Variants in MLLT1 observed in about 807,000 individuals in gnomAD.
The protein encoded by MLLT1 is MLLT1 super elongation complex subunit, also known as protein ENL.
MLLT1 carries 11 observed loss-of-function variants against 55.1 expected under a neutral mutation model. That is an observed-to-expected ratio of 0.20 (90% CI 0.13 to 0.33). The LOEUF is 0.33. Among genes scored for constraint, MLLT1 ranks in the 10% least tolerant of loss-of-function variants. MLLT1 has a pLI of 1.00. For missense variants in MLLT1, 536 were observed against 760.6 expected (o/e 0.70, Z 3.47); for synonymous variants, 323 against 320.1 (o/e 1.01, Z -0.10).
At chr19:6,266,648 G>A (rs1049107193) in intron 2 of MLLT1, among the ~76,000 whole-genome samples, 1 of 152,058 alleles carries the variant, frequency 6.6e-6, no homozygotes, top group African/African-American at 2.4e-5. Flanking sequence ...GTAGAGATGG[G>A]GTTTCACCAT....
In MLLT1 at chr19:6,210,920, T is replaced by C; in HGVS notation, c.*2122A>G. On this transcript the variant is annotated 3_prime_UTR_variant, in exon 12 of 12. Transcript: ENST00000252674. This position sits in a 1 kb window ranked among gnomAD's most constrained non-coding sequence, Gnocchi z 4.6. ...CGTGAGGCCTTCCGGCCAGAGGAGGTAACTGAGAACTGGGTTGGTGCTTCC... is the reference window on the plus strand; with the variant it reads ...CGTGAGGCCTTCCGGCCAGAGGAGGCAACTGAGAACTGGGTTGGTGCTTCC... 4.4e-6 allele frequency: 1 copy of C among 228,920 alleles called. No homozygotes were observed. Among genetic ancestry groups the C allele is most frequent in the Non-Finnish European group, 8.6e-6 (1 of 115,972 alleles). 14.2% of individuals were successfully genotyped at this position (228,920 alleles called of 1,614,324 possible). A position where few individuals can be genotyped will look rare whatever the true frequency, so the allele number is the denominator to read the frequency against.
At chr19:6,271,938 C>T (rs1382504328) in intron 1 of MLLT1, among the ~76,000 whole-genome samples, 1 of 152,274 alleles carries the variant, frequency 6.6e-6, no homozygotes, top group Non-Finnish European at 1.5e-5. Context: ...CCTGTCTCTT[C>T]TTTGGCATTT....
At chr19:6,216,550 G>A (rs2144848015) in intron 7 of MLLT1, 37 bp from the exon 8 acceptor site, 3 of 1,456,136 alleles carry the variant, frequency 2.1e-6, no homozygotes, top group East Asian at 2.4e-5. Flanking sequence ...GGAGACAAGG[G>A]CAGGGCTCCA....
At chr19:6,223,383 C>G (rs1297960546) in intron 5 of MLLT1, among the ~76,000 whole-genome samples, 5 of 152,194 alleles carry the variant, frequency 3.3e-5, no homozygotes, top group Non-Finnish European at 5.9e-5. Flanking sequence ...ATTCCTAGGT[C>G]TCTGCCTCGG....
At chr19:6,249,608 C>G (rs1017814478) in intron 3 of MLLT1, among the ~76,000 whole-genome samples, 1 of 152,194 alleles carries the variant, frequency 6.6e-6, no homozygotes, top group Non-Finnish European at 1.5e-5. Context: ...GGGAGGGAGG[C>G]CACCCGGATC....
At chr19:6,221,766 C>T (rs1026221091) in intron 6 of MLLT1, among the ~76,000 whole-genome samples, 1 of 152,240 alleles carries the variant, frequency 6.6e-6, no homozygotes, top group Non-Finnish European at 1.5e-5. Context: ...AACCATGAGA[C>T]ACGCTTGCCC....
At position 6,256,969 on chromosome 19, in the gene MLLT1, G is replaced by A. The variant is rs920668451; in HGVS notation, c.276+5259C>T. On this transcript the variant is annotated intron_variant, in intron 3 of 11. Coordinates refer to ENST00000252674, the MANE Select transcript of MLLT1 (RefSeq NM_005934.4). This position sits in a 1 kb window ranked among gnomAD's most constrained non-coding sequence, Gnocchi z 4.1. Reference sequence around the variant, plus strand: ...TCAGTGAACGGTGCTGGGACACCTGGAAAACCACATGCAAAAGAATACTGT... The same window carrying A: ...TCAGTGAACGGTGCTGGGACACCTGAAAAACCACATGCAAAAGAATACTGT... Among the ~76,000 whole-genome samples the A allele has an allele frequency of 1.3e-5, 2 of 152,110 alleles. No individual in the cohort carries two copies. Among genetic ancestry groups the A allele is most frequent in the Non-Finnish European group, 2.9e-5 (2 of 68,012 alleles).
At position 6,240,681 on chromosome 19, in the gene MLLT1, C is replaced by T. The variant is rs948792408; in HGVS notation, c.277-9968G>A. On this transcript the variant is annotated intron_variant, in intron 3 of 11. Coordinates refer to ENST00000252674, the MANE Select transcript of MLLT1 (RefSeq NM_005934.4). The surrounding 1 kb of genome is among the most constrained non-coding windows in gnomAD (Gnocchi z 4.7). ...CGCTGTGGGGGTGATGTCAGACGCA[C>T]AGGGAGAGACTGGACCCCACACTCA... Among the ~76,000 whole-genome samples the T allele has an allele frequency of 2.0e-5, 3 of 152,098 alleles. No individual in the cohort carries two copies. Among genetic ancestry groups the T allele is most frequent in the African/African-American group, 7.2e-5 (3 of 41,416 alleles).
chr19:6,253,791 T>C (rs2091237665), intron 3 of MLLT1, among the ~76,000 whole-genome samples: 1 of 152,106 alleles, frequency 6.6e-6, no homozygotes, highest in Admixed American at 6.5e-5. Flanking sequence ...TATTCATGAT[T>C]TAGAAAAACG....
intron 1 of MLLT1, among the ~76,000 whole-genome samples, chr19:6,275,485 C>A (rs2091423099): frequency 6.6e-6 from 1 of 152,218 alleles, no homozygotes; most frequent in Non-Finnish European, 1.5e-5. Context: ...TCCCGCCAAG[C>A]CCAGTCGGGG....
chr19:6,214,182 C>G (rs2090814645), intron 8 of MLLT1, 144 bp from the exon 9 acceptor site: 2 of 436,630 alleles, frequency 4.6e-6, no homozygotes, highest in African/African-American at 2.0e-5. Flanking sequence ...GCGCAGGAAC[C>G]TCAACTTAAA....
intron 1 of MLLT1, among the ~76,000 whole-genome samples, chr19:6,276,444 C>T (rs191589848): frequency 6.6e-6 from 1 of 152,274 alleles, no homozygotes; most frequent in African/African-American, 2.4e-5. Context: ...GAGGCAGCTG[C>T]TCTCAAACCC....
intron 3 of MLLT1, among the ~76,000 whole-genome samples, chr19:6,243,025 T>C (rs79973215): frequency 0.016 from 2,507 of 152,252 alleles, 53 homozygotes; most frequent in African/African-American, 0.058. Context: ...GCCAAGGAAA[T>C]TAAGTCACAT....
In MLLT1 at chr19:6,270,421, G is replaced by A. The variant is rs1306241544; in HGVS notation, c.193+158C>T. On this transcript the variant is annotated intron_variant, in intron 2 of 11. Coordinates refer to ENST00000252674, the MANE Select transcript of MLLT1 (RefSeq NM_005934.4). The surrounding 1 kb of genome is among the most constrained non-coding windows in gnomAD (Gnocchi z 7.1). ...CCTACGACTAACTCAACAGCTGGAGGTGACACGGCTCCAGTGCCCCCACGC... is the reference window on the plus strand; with the variant it reads ...CCTACGACTAACTCAACAGCTGGAGATGACACGGCTCCAGTGCCCCCACGC... Among the ~76,000 whole-genome samples, 1 of 151,744 alleles carries A rather than the reference G, an allele frequency of 6.6e-6. No homozygotes were observed. The highest frequency in any genetic ancestry group is 1.5e-5 in the Non-Finnish European group (1 of 67,918).
In MLLT1 at chr19:6,227,081, C is replaced by T; in HGVS notation, c.442G>A (p.Ala148Thr). 11 of 1,601,204 alleles carry T rather than the reference C, an allele frequency of 6.9e-6. No individual in the cohort carries two copies. The highest frequency in any genetic ancestry group is 1.1e-5 in the South Asian group (1 of 88,838). ...AGGVMVMPEG[A>T]DTVSRPSPDY... ...GGACTGGGCCTGGACACCGTGTCTGCTCCTTCGGGCATTACCATCACCTAG... is the reference window on the plus strand; with the variant it reads ...GGACTGGGCCTGGACACCGTGTCTGTTCCTTCGGGCATTACCATCACCTAG... Residue 148 changes from alanine (A) to threonine (T), a missense_variant, in exon 5 of 12, where the codon GCA becomes ACA. Ala to Thr is a moderately conservative substitution (Grantham distance 58, BLOSUM62 0). Coordinates refer to ENST00000252674, the MANE Select transcript of MLLT1 (RefSeq NM_005934.4). This position sits in a 1 kb window ranked among gnomAD's most constrained non-coding sequence, Gnocchi z 5.1.
At chr19:6,213,540 C>T in intron 10 of MLLT1, 132 bp from the exon 11 acceptor site, 1 of 1,022,124 alleles carries the variant, frequency 9.8e-7, no homozygotes, top group South Asian at 1.4e-5. Context: ...CAAGGAAGGC[C>T]CAAGGCTGCA....
At chr19:6,252,112 G>A (rs1217935522) in intron 3 of MLLT1, among the ~76,000 whole-genome samples, 2 of 152,196 alleles carry the variant, frequency 1.3e-5, no homozygotes, top group Non-Finnish European at 1.5e-5. Flanking sequence ...TTGGGTTGCA[G>A]ATGGGACAAA....
chr19:6,253,757 G>T (rs931970569), intron 3 of MLLT1, among the ~76,000 whole-genome samples: 1 of 152,130 alleles, frequency 6.6e-6, no homozygotes, highest in African/African-American at 2.4e-5. Flanking sequence ...AGACAGATAA[G>T]AGCATGTGAC....
At chr19:6,274,548 A>G (rs1239772463) in intron 1 of MLLT1, among the ~76,000 whole-genome samples, 1 of 152,146 alleles carries the variant, frequency 6.6e-6, no homozygotes, top group Non-Finnish European at 1.5e-5. Flanking sequence ...CTCTCCCCCA[A>G]CTTTATCCCA....
Sources: allele counts gnomAD v4.1 joint callset (sites outside exome capture counted in the v4.1 genomes callset), GRCh38; gene constraint gnomAD v4.1.1; non-coding constraint Gnocchi (gnomAD v3.1); transcripts MANE v1.5; gene names NCBI Gene and HGNC (gene_info 2026-07-23, HGNC 2026-07-21).